The following KCNK13 variants were observed in gnomAD, a reference collection of about 807,000 sequenced individuals.
KCNK13 encodes potassium channel subfamily K member 13.
A neutral mutation model predicts 23.4 loss-of-function variants in KCNK13; 12 were observed. The ratio of observed to expected loss-of-function variants is 0.51; its 90% CI spans 0.33 to 0.83. The LOEUF is 0.83. KCNK13 is among the 40% of genes least tolerant of loss of function. The pLI, the probability that KCNK13 is intolerant of heterozygous loss-of-function variation, is 0.02. For missense variants in KCNK13, 463 were observed against 556.3 expected, an observed-to-expected ratio of 0.83 and a Z score of 1.69; for synonymous variants, 231 against 229.5, an observed-to-expected ratio of 1.01 and a Z score of -0.06.
intron 1 of KCNK13, among the ~76,000 whole-genome samples, chr14:90,114,223 T>C (rs1417969338): frequency 6.6e-6 from 1 of 152,174 alleles, no homozygotes; most frequent in Non-Finnish European, 1.5e-5. Context: ...TTGTGTGTAC[T>C]TCAAGCCATC....
Position 90,147,118 on chromosome 14 carries a change from G to T in KCNK13, c.335-36993G>T, listed in dbSNP as rs117874911. Among the ~76,000 whole-genome samples, 212 of 152,276 alleles carry T rather than the reference G, an allele frequency of 1.4e-3. 4 individuals are homozygous for T. In the East Asian group the frequency reaches 0.037, roughly 26 times the overall value. On this transcript the variant is annotated intron_variant, in intron 1 of 1. Transcript: ENST00000282146. ...TTTGCATTTCTATGTGCTGCCTGCT[G>T]TCTGTGTCTGCAAACTCTTATTTCA...
chr14:90,176,003 C>T (rs931229791), intron 1 of KCNK13, among the ~76,000 whole-genome samples: 8 of 152,120 alleles, frequency 5.3e-5, no homozygotes, highest in Non-Finnish European at 1.0e-4. Flanking sequence ...CAGCATCGCT[C>T]CCACCATATT....
At chr14:90,128,363 T>A (rs1244701909) in intron 1 of KCNK13, among the ~76,000 whole-genome samples, 1 of 152,132 alleles carries the variant, frequency 6.6e-6, no homozygotes, top group Non-Finnish European at 1.5e-5. Context: ...TAAAAACACC[T>A]GTATGTATTT....
At chr14:90,135,902 A>G (rs1889930459) in intron 1 of KCNK13, among the ~76,000 whole-genome samples, 1 of 152,006 alleles carries the variant, frequency 6.6e-6, no homozygotes, top group Admixed American at 6.6e-5. Context: ...TTTCCCTTCA[A>G]CAGATGAGAA....
chr14:90,162,422 A>G (rs1487721167), intron 1 of KCNK13, among the ~76,000 whole-genome samples: 1 of 152,224 alleles, frequency 6.6e-6, no homozygotes, highest in African/African-American at 2.4e-5. Flanking sequence ...GGAAAAGGAA[A>G]AAGATCATTG....
intron 1 of KCNK13, 120 bp from the exon 2 acceptor site, chr14:90,183,989 ACT>A (rs2140450883): frequency 1.2e-6 from 1 of 855,720 alleles, no homozygotes; most frequent in East Asian, 2.5e-5. Flanking sequence ...TCCTAGAAAG[ACT>A]AAGGCTGAGT....
rs1035507690 is a variant in KCNK13 at position 90,101,223 on chromosome 14, C to G, written c.334+38684C>G. Among the ~76,000 whole-genome samples the G allele has an allele frequency of 2.0e-5, 3 of 152,266 alleles. No individual in the cohort carries two copies. In the South Asian group the frequency reaches 6.2e-4, roughly 32 times the overall value. On this transcript the variant is annotated intron_variant, in intron 1 of 1. Coordinates refer to ENST00000282146, the MANE Select transcript of KCNK13 (RefSeq NM_022054.4). ...TGCTTCACAGTGAGCACAAAATACTCACTGTTGCCCTTGTTGTTCAGTCTC... is the reference window on the plus strand; with the variant it reads ...TGCTTCACAGTGAGCACAAAATACTGACTGTTGCCCTTGTTGTTCAGTCTC...
At chr14:90,120,445 C>T (rs1889725446) in intron 1 of KCNK13, among the ~76,000 whole-genome samples, 1 of 152,174 alleles carries the variant, frequency 6.6e-6, no homozygotes, top group Admixed American at 6.5e-5. Context: ...GCTCACAGTT[C>T]TAAGTGGCTG....
chr14:90,143,342 G>A (rs1372959276), intron 1 of KCNK13, among the ~76,000 whole-genome samples: 2 of 150,962 alleles, frequency 1.3e-5, no homozygotes, highest in Admixed American at 1.3e-4. Flanking sequence ...CAAAGTGCTG[G>A]GATTCGCAGC....
At chr14:90,101,682 C>T (rs552313663) in intron 1 of KCNK13, among the ~76,000 whole-genome samples, 322 of 147,406 alleles carry the variant, frequency 2.2e-3, no homozygotes, top group Non-Finnish European at 4.0e-3. Context: ...CCCAGCTACT[C>T]GGGAGGCTGA....
intron 1 of KCNK13, among the ~76,000 whole-genome samples, chr14:90,100,529 C>A (rs1318594463): frequency 6.6e-6 from 1 of 152,118 alleles, no homozygotes; most frequent in African/African-American, 2.4e-5. Flanking sequence ...AGGGAGGCCG[C>A]AAAGTGTGAA....
chr14:90,078,653 C>G (rs1267332435), intron 1 of KCNK13, among the ~76,000 whole-genome samples: 1 of 151,972 alleles, frequency 6.6e-6, no homozygotes, highest in Non-Finnish European at 1.5e-5. Flanking sequence ...TTTGAATACA[C>G]AGGGATGTAG....
At chr14:90,175,755 G>T (rs1008584936) in intron 1 of KCNK13, among the ~76,000 whole-genome samples, 3 of 152,178 alleles carry the variant, frequency 2.0e-5, no homozygotes, top group African/African-American at 7.2e-5. Flanking sequence ...AATTTCCTGG[G>T]CTCAGCTGGC....
chr14:90,159,855 G>A (rs1487875221), intron 1 of KCNK13, among the ~76,000 whole-genome samples: 4 of 152,122 alleles, frequency 2.6e-5, no homozygotes, highest in South Asian at 2.1e-4. Flanking sequence ...TTCTAGATGG[G>A]TGTCCTTGGG....
chr14:90,130,262 C>A (rs540128960), intron 1 of KCNK13, among the ~76,000 whole-genome samples: 19 of 151,724 alleles, frequency 1.3e-4, no homozygotes, highest in African/African-American at 4.6e-4. Context: ...TGCAATGGTG[C>A]AATCTCGGCT....
At chr14:90,098,397 T>G (rs1889436295) in intron 1 of KCNK13, among the ~76,000 whole-genome samples, 2 of 152,208 alleles carry the variant, frequency 1.3e-5, no homozygotes, top group Non-Finnish European at 2.9e-5. Flanking sequence ...CATGACCACC[T>G]AGGCTGAAGG....
intron 1 of KCNK13, among the ~76,000 whole-genome samples, chr14:90,098,838 G>C (rs4396467): frequency 6.6e-5 from 10 of 152,082 alleles, no homozygotes; most frequent in African/African-American, 1.2e-4. Flanking sequence ...CGGCACTTTG[G>C]GGGGGCCGAG....
At chr14:90,142,997 G>A (rs1890027516) in intron 1 of KCNK13, among the ~76,000 whole-genome samples, 1 of 152,154 alleles carries the variant, frequency 6.6e-6, no homozygotes, top group Non-Finnish European at 1.5e-5. Context: ...AGTTAATAAG[G>A]TTTGTTACGT....
At chr14:90,117,896 C>T (rs1187567004) in intron 1 of KCNK13, among the ~76,000 whole-genome samples, 1 of 152,192 alleles carries the variant, frequency 6.6e-6, no homozygotes, top group Non-Finnish European at 1.5e-5. Context: ...ATTTATCTAT[C>T]CTAGACAGTT....
Sources: allele counts gnomAD v4.1 joint callset (sites outside exome capture counted in the v4.1 genomes callset), GRCh38; gene constraint gnomAD v4.1.1; transcripts MANE v1.5; gene names NCBI Gene and HGNC (gene_info 2026-07-23, HGNC 2026-07-21).